The following TSPEAR variants were observed in gnomAD, a reference collection of about 807,000 sequenced individuals.
TSPEAR encodes thrombospondin-type laminin G domain and EAR repeat-containing protein.
TSPEAR carries 69 observed loss-of-function variants against 71.6 expected under a neutral mutation model. That is an observed-to-expected ratio of 0.96 (90% CI 0.79 to 1.18). TSPEAR has a LOEUF of 1.18. Ranked by LOEUF, TSPEAR falls within the 50% of genes most tolerant of loss-of-function variation. The pLI, the probability that TSPEAR is intolerant of heterozygous loss-of-function variation, is 0.00. For missense variants in TSPEAR, 971 were observed against 894.9 expected, an observed-to-expected ratio of 1.09 and a Z score of -1.09; for synonymous variants, 402 against 387.2, an observed-to-expected ratio of 1.04 and a Z score of -0.45.
chr21:44,654,094 C>T lies in TSPEAR; in HGVS notation c.82+57339G>A, dbSNP rs1984972258. The stretch of plus-strand genomic sequence containing the variant: ...GCCCAGGCTGTGAACCCAGGAGAAA[C>T]TGTGTAGAAAGGCGCATGGCCTCAC... On this transcript the variant is annotated intron_variant, in intron 1 of 11. Coordinates refer to ENST00000323084, the MANE Select transcript of TSPEAR (RefSeq NM_144991.3). 9 of 610,124 alleles carry T rather than the reference C, an allele frequency of 1.5e-5. No homozygotes were observed. In the South Asian group the frequency reaches 1.8e-4, roughly 12 times the overall value. 37.8% of individuals were successfully genotyped at this position (610,124 alleles called of 1,614,324 possible). A position where few individuals can be genotyped will look rare whatever the true frequency, so the allele number is the denominator to read the frequency against.
intron 2 of TSPEAR, among the ~76,000 whole-genome samples, chr21:44,554,333 A>G (rs1277932279): frequency 6.6e-6 from 1 of 152,220 alleles, no homozygotes; most frequent in Admixed American, 6.5e-5. Flanking sequence ...CAGCTTCCAG[A>G]ACTGGGAGAA....
rs34221889 is a variant in TSPEAR at position 44,594,822 on chromosome 21, ATTTT to A, written c.83-26821_83-26818del. On this transcript the variant is annotated intron_variant, in intron 1 of 11. Transcript: ENST00000323084. ...TTTTTTCCAAACTTACGGATCTGTGATTTTTTTTTTTTTTTTTTGAGATGCAGTC... is the reference window on the plus strand; with the variant it reads ...TTTTTTCCAAACTTACGGATCTGTGATTTTTTTTTTTTTTGAGATGCAGTC... Among the ~76,000 whole-genome samples the A allele has an allele frequency of 7.1e-4, 89 of 125,514 alleles. 1 individual carries two copies. The Middle Eastern group carries it at 0.016, about 23-fold the overall frequency. 82.3% of individuals were successfully genotyped at this position (125,514 alleles called of 152,430 possible).
chr21:44,637,264 A>G (rs1206378717), intron 1 of TSPEAR: 9 of 1,056,978 alleles, frequency 8.5e-6, no homozygotes, highest in South Asian at 3.1e-5. Context: ...CCAAACACCA[A>G]CACGGAAGGG....
intron 2 of TSPEAR, chr21:44,558,845 T>C: frequency 1.6e-6 from 2 of 1,241,902 alleles, no homozygotes; most frequent in Middle Eastern, 2.9e-4. Context: ...GTGTTGATTG[T>C]GCTGCCCCTG....
chr21:44,531,119 G>T lies in TSPEAR; in HGVS notation c.557C>A (p.Pro186His). Residue 186 changes from proline (P) to histidine (H), a missense_variant, in exon 4 of 12, where the codon CCC becomes CAC. Coordinates refer to ENST00000323084, the MANE Select transcript of TSPEAR (RefSeq NM_144991.3). The stretch of plus-strand genomic sequence containing the variant: ...TTTCACTGACAGGGTGGCTGGGAAG[G>T]GCACATCGGCCATTCTGAAAATATC... ...GLPVDIMADV[P>H]FPATLSVKGA... 1 of 1,613,732 alleles carries T rather than the reference G, an allele frequency of 6.2e-7. No individual in the cohort carries two copies. The highest frequency in any genetic ancestry group is 8.5e-7 in the Non-Finnish European group (1 of 1,179,896).
At position 44,612,638 on chromosome 21, in the gene TSPEAR, T is replaced by G; in HGVS notation, c.83-44633A>C. ...CAAGCCCATCTGCTGTGTGCCTGTCTGCTCTGGGGCTTCCTCTCTGTGCTG... is the reference window on the plus strand; with the variant it reads ...CAAGCCCATCTGCTGTGTGCCTGTCGGCTCTGGGGCTTCCTCTCTGTGCTG... On this transcript the variant is annotated intron_variant, in intron 1 of 11. Coordinates refer to ENST00000323084, the MANE Select transcript of TSPEAR (RefSeq NM_144991.3). This position sits in a 1 kb window ranked among gnomAD's most constrained non-coding sequence, Gnocchi z 4.1. 6.2e-7 allele frequency: 1 copy of G among 1,613,526 alleles called. No homozygotes were observed. Among genetic ancestry groups the G allele is most frequent in the Non-Finnish European group, 8.5e-7 (1 of 1,179,878 alleles).
At chr21:44,544,901 A>G (rs369638282) in intron 2 of TSPEAR, among the ~76,000 whole-genome samples, 1 of 152,348 alleles carries the variant, frequency 6.6e-6, no homozygotes, top group South Asian at 2.1e-4. Context: ...AATTGTAAAT[A>G]TATACATATC....
intron 1 of TSPEAR, among the ~76,000 whole-genome samples, chr21:44,638,997 C>T (rs587656639): frequency 6.6e-6 from 1 of 152,238 alleles, no homozygotes; most frequent in South Asian, 2.1e-4. Context: ...GGACTCGAGC[C>T]CAGCAGCCCA....
intron 1 of TSPEAR, among the ~76,000 whole-genome samples, chr21:44,664,746 T>C (rs1289159486): frequency 7.9e-5 from 12 of 152,170 alleles, no homozygotes; most frequent in African/African-American, 2.9e-4. Context: ...TCCTAGACAT[T>C]TACCCAAGAG....
At position 44,509,303 on chromosome 21, in the gene TSPEAR, C is replaced by T; in HGVS notation, c.1650G>A (p.Val550=). 1.2e-6 allele frequency: 2 copies of T among 1,614,108 alleles called. No individual in the cohort carries two copies. Among genetic ancestry groups the T allele is most frequent in the Non-Finnish European group, 1.7e-6 (2 of 1,180,004 alleles). ...LAVANSHSYD[V]EMQVQNDSYV... Reference sequence around the variant, plus strand: ...AGGAATCATTCTGGACTTGCATCTCCACATCGTAGCTGTGACTGTTTGCCA... The same window carrying T: ...AGGAATCATTCTGGACTTGCATCTCTACATCGTAGCTGTGACTGTTTGCCA... Residue 550 remains valine, a synonymous_variant, in exon 10 of 12, where the codon GTG becomes GTA. Coordinates refer to ENST00000323084, the MANE Select transcript of TSPEAR (RefSeq NM_144991.3).
rs1465268277 is a variant in TSPEAR, at chr21:44,593,249, C to G, written c.83-25244G>C. Among the ~76,000 whole-genome samples, 4 of 152,152 alleles carry G rather than the reference C, an allele frequency of 2.6e-5. No individual in the cohort carries two copies. The highest frequency in any genetic ancestry group is 9.7e-5 in the African/African-American group (4 of 41,434). ...GCAGCGGGCGGTCAGCAGCCCTCGTCCCCGCCTGGGGTGGCTCCTCTGTGT... is the reference window on the plus strand; with the variant it reads ...GCAGCGGGCGGTCAGCAGCCCTCGTGCCCGCCTGGGGTGGCTCCTCTGTGT... On this transcript the variant is annotated intron_variant, in intron 1 of 11. Coordinates refer to ENST00000323084, the MANE Select transcript of TSPEAR (RefSeq NM_144991.3). This position sits in a 1 kb window ranked among gnomAD's most constrained non-coding sequence, Gnocchi z 5.9.
Position 44,534,065 on chromosome 21 carries a change from G to A in TSPEAR, c.304-142C>T, listed in dbSNP as rs147881848. ...CTGGAGGGGCGAGGTGAGGGGGCGC[G>A]GTGGATGGGAAGGGCAGGGTGGATA... On this transcript the variant is annotated intron_variant, in intron 2 of 11. Coordinates refer to ENST00000323084, the MANE Select transcript of TSPEAR (RefSeq NM_144991.3). 1.9e-3 allele frequency: 1,224 copies of A among 645,318 alleles called. 8 individuals are homozygous for A. The highest frequency in any genetic ancestry group is 0.019 in the African/African-American group (986 of 52,966). 40.0% of individuals were successfully genotyped at this position (645,318 alleles called of 1,614,324 possible).
At chr21:44,575,294 C>T (rs1356298132) in intron 1 of TSPEAR, 2 of 477,534 alleles carry the variant, frequency 4.2e-6, no homozygotes, top group African/African-American at 3.9e-5. Flanking sequence ...TCTCTGTCCT[C>T]CTGGCTCAGA....
intron 1 of TSPEAR, among the ~76,000 whole-genome samples, chr21:44,581,965 A>C (rs1293982042): frequency 6.6e-6 from 1 of 151,966 alleles, no homozygotes; most frequent in Non-Finnish European, 1.5e-5. Context: ...GATTTTAAAG[A>C]GCCTCCCTTT....
intron 3 of TSPEAR, among the ~76,000 whole-genome samples, chr21:44,532,948 C>T (rs1026123241): frequency 9.2e-5 from 14 of 152,378 alleles, no homozygotes; most frequent in South Asian, 4.1e-4. Context: ...AGCCAGGCCT[C>T]GGCCTCCAGC....
intron 1 of TSPEAR, chr21:44,682,123 T>A: frequency 6.2e-7 from 1 of 1,613,346 alleles, no homozygotes; most frequent in Non-Finnish European, 8.5e-7. Context: ...GTGTGGCACA[T>A]GGTGGCGTGT....
intron 9 of TSPEAR, among the ~76,000 whole-genome samples, chr21:44,514,004 T>C (rs1261654776): frequency 1.3e-5 from 2 of 152,146 alleles, no homozygotes; most frequent in African/African-American, 4.8e-5. Flanking sequence ...CCCGTGCTCT[T>C]CCCGGCCCTG....
chr21:44,604,702 G>A (rs1981198967), intron 1 of TSPEAR, among the ~76,000 whole-genome samples: 1 of 152,236 alleles, frequency 6.6e-6, no homozygotes, highest in Non-Finnish European at 1.5e-5. Flanking sequence ...TTTCACCACT[G>A]AGTATGGCAT....
chr21:44,508,963 A>G lies in TSPEAR; in HGVS notation c.1754+236T>C. 3.9e-6 allele frequency: 6 copies of G among 1,537,388 alleles called. No individual in the cohort carries two copies. In the South Asian group the frequency reaches 7.1e-5, roughly 18 times the overall value. ...TGTGAAGGGGCAGAACTCCGCACACAGCACCCGGCTCTGGGAACCAAACCT... is the reference window on the plus strand; with the variant it reads ...TGTGAAGGGGCAGAACTCCGCACACGGCACCCGGCTCTGGGAACCAAACCT... On this transcript the variant is annotated intron_variant, in intron 10 of 11. Coordinates refer to ENST00000323084, the MANE Select transcript of TSPEAR (RefSeq NM_144991.3).
Sources: gnomAD v4.1 joint callset for allele counts (sites outside exome capture counted in the v4.1 genomes callset) on GRCh38, gnomAD v4.1.1 for gene constraint, Gnocchi (gnomAD v3.1) non-coding constraint, MANE v1.5 for transcripts, NCBI Gene and HGNC (gene_info 2026-07-23, HGNC 2026-07-21) for gene names.